The following GRIP1 variants were observed in gnomAD, a reference collection of about 807,000 sequenced individuals.
GRIP1 encodes the protein glutamate receptor interacting protein 1, also known as glutamate receptor-interacting protein 1.
GRIP1 carries 45 observed loss-of-function variants against 129.9 expected under a neutral mutation model. The observed-to-expected ratio is 0.35, with a 90% CI of 0.27 to 0.44. The LOEUF (loss-of-function observed/expected upper bound fraction) is 0.44. Among genes scored for constraint, GRIP1 ranks in the 20% least tolerant of loss-of-function variants. The pLI is 1.00. For missense variants in GRIP1, 1,196 were observed against 1,396.8 expected (o/e 0.86, Z 2.29); for synonymous variants, 530 against 520.8 (o/e 1.02, Z -0.24).
chr12:66,875,105 A>G (rs2040361359), intron 1 of GRIP1, among the ~76,000 whole-genome samples: 1 of 152,094 alleles, frequency 6.6e-6, no homozygotes, highest in African/African-American at 2.4e-5. Flanking sequence ...CATTTGTAAA[A>G]TGACACAATT....
intron 1 of GRIP1, among the ~76,000 whole-genome samples, chr12:66,715,511 A>G (rs2035860870): frequency 6.6e-6 from 1 of 150,616 alleles, no homozygotes; most frequent in South Asian, 2.1e-4. Flanking sequence ...AGAGAGAGAG[A>G]GAGAGAACTG....
intron 7 of GRIP1, among the ~76,000 whole-genome samples, chr12:66,499,785 C>T (rs942241413): frequency 6.6e-6 from 1 of 152,192 alleles, no homozygotes; most frequent in Non-Finnish European, 1.5e-5. Flanking sequence ...GAGAAGATCA[C>T]TTGAGCCCAG....
intron 1 of GRIP1, among the ~76,000 whole-genome samples, chr12:66,831,965 A>G (rs957960881): frequency 1.3e-5 from 2 of 152,188 alleles, no homozygotes; most frequent in African/African-American, 2.4e-5. Flanking sequence ...GATTTGACTT[A>G]TAAGTTAGAC....
At chr12:66,548,692 C>T (rs1216453589) in intron 2 of GRIP1, among the ~76,000 whole-genome samples, 4 of 152,088 alleles carry the variant, frequency 2.6e-5, no homozygotes, top group African/African-American at 9.7e-5. Context: ...GAGTGAGGAT[C>T]AAAAAGGCCC....
chr12:67,051,352 G>A (rs746326132), intron 1 of GRIP1, among the ~76,000 whole-genome samples: 11 of 149,076 alleles, frequency 7.4e-5, no homozygotes, highest in Non-Finnish European at 1.5e-4. Context: ...TTTTTTTAAT[G>A]TCCACTATGA....
rs1027114562 is a variant in GRIP1, at chr12:66,839,673, A to G, written c.58+229377T>C. ...AGGCCAAAAAAGAAAATAGGAATTG[A>G]TAGCACAGTGGATTCCAGAAAAGCA... On this transcript the variant is annotated intron_variant, in intron 1 of 1. Transcript: ENST00000643019. 6.6e-5 allele frequency among the ~76,000 whole-genome samples: 10 copies of G among 152,226 alleles called. No homozygotes were observed. In the East Asian group the frequency reaches 1.9e-3, roughly 29 times the overall value.
intron 4 of GRIP1, among the ~76,000 whole-genome samples, chr12:66,531,795 AT>A (rs971384709): frequency 1.7e-4 from 25 of 150,190 alleles, no homozygotes; most frequent in South Asian, 1.1e-3. Flanking sequence ...TAAGAAAATG[AT>A]TTTTTTTTTG....
intron 5 of GRIP1, among the ~76,000 whole-genome samples, chr12:66,525,371 T>C (rs2061190419): frequency 6.6e-6 from 1 of 151,632 alleles, no homozygotes; most frequent in Non-Finnish European, 1.5e-5. Flanking sequence ...CAAGGCTGGT[T>C]GAATCTACAC....
chr12:67,041,929 G>A (rs1161377839), intron 1 of GRIP1, among the ~76,000 whole-genome samples: 1 of 152,136 alleles, frequency 6.6e-6, no homozygotes, highest in Non-Finnish European at 1.5e-5. Flanking sequence ...TTGGGAATGT[G>A]TCTCCCAAAT....
At chr12:67,060,862 AGCT>A (rs2043522113) in intron 1 of GRIP1, among the ~76,000 whole-genome samples, 1 of 146,760 alleles carries the variant, frequency 6.8e-6, no homozygotes, top group Non-Finnish European at 1.5e-5. Context: ...GGCAGTGGAG[AGCT>A]GCAAGAATTT....
Position 66,501,135 on chromosome 12 carries a change from T to C in GRIP1, c.724+14484A>G, listed in dbSNP as rs181569464. Among the ~76,000 whole-genome samples the C allele has an allele frequency of 8.5e-4, 129 of 152,324 alleles. No homozygotes were observed. In the Middle Eastern group the frequency reaches 0.01, roughly 12 times the overall value. ...CCTCCTGGGTGATCTCACAGGTGTA[T>C]CTAGGAGTCATTTTCAGTGTCAAAG... is the stretch of plus-strand genomic sequence containing the variant. On this transcript the variant is annotated intron_variant, in intron 7 of 24. Transcript: ENST00000359742.
At chr12:66,524,384 C>T (rs927536553) in intron 5 of GRIP1, among the ~76,000 whole-genome samples, 33 of 152,200 alleles carry the variant, frequency 2.2e-4, no homozygotes, top group Non-Finnish European at 3.7e-4. Flanking sequence ...TCACTCAAAA[C>T]CACTCAACTA....
At chr12:66,550,456 G>T (rs998934203) in intron 2 of GRIP1, among the ~76,000 whole-genome samples, 1 of 152,176 alleles carries the variant, frequency 6.6e-6, no homozygotes, top group Non-Finnish European at 1.5e-5. Context: ...TAAGACAAAA[G>T]AATTAACAGT....
intron 1 of GRIP1, among the ~76,000 whole-genome samples, chr12:66,756,506 T>C (rs550412947): frequency 1.3e-5 from 2 of 152,334 alleles, no homozygotes; most frequent in African/African-American, 4.8e-5. Context: ...GTCTAAAACT[T>C]GTATCATGTA....
intron 16 of GRIP1, among the ~76,000 whole-genome samples, chr12:66,397,224 T>C (rs1165833153): frequency 1.4e-5 from 2 of 147,940 alleles, no homozygotes; most frequent in African/African-American, 5.0e-5. Context: ...TAAAAAGGTA[T>C]CTATTGGCCA....
rs922944713 is a variant in GRIP1 at position 66,773,304 on chromosome 12, A to C, written c.-420+30749T>G. Among the ~76,000 whole-genome samples, 4 of 152,340 alleles carry C rather than the reference A, an allele frequency of 2.6e-5. No homozygotes were observed. In the South Asian group the frequency reaches 8.3e-4, roughly 32 times the overall value. The stretch of plus-strand genomic sequence containing the variant: ...AGTGCTGTAATAAACATACCTGTGC[A>C]TGTGTCTTTATAGTAGAATGATTTA... On this transcript the variant is annotated intron_variant, in intron 1 of 4. Transcript: ENST00000538373.
chr12:66,985,893 G>C (rs1056791627), intron 1 of GRIP1, among the ~76,000 whole-genome samples: 1 of 152,172 alleles, frequency 6.6e-6, no homozygotes, highest in East Asian at 1.9e-4. Context: ...GGCAGTAACA[G>C]TTATTGATTT....
intron 2 of GRIP1, among the ~76,000 whole-genome samples, chr12:66,582,024 G>A (rs1388620339): frequency 2.6e-5 from 4 of 152,140 alleles, no homozygotes; most frequent in African/African-American, 7.2e-5. Flanking sequence ...CTGGCAAACT[G>A]AATCCAGCAG....
At chr12:67,058,924 T>C (rs1334489143) in intron 1 of GRIP1, among the ~76,000 whole-genome samples, 1 of 152,188 alleles carries the variant, frequency 6.6e-6, no homozygotes, top group Non-Finnish European at 1.5e-5. Context: ...AAAAATCAGA[T>C]GTAAGTGTCT....
Sources: gnomAD v4.1 joint callset for allele counts (sites outside exome capture counted in the v4.1 genomes callset) on GRCh38, gnomAD v4.1.1 for gene constraint, MANE v1.5 for transcripts, NCBI Gene and HGNC (gene_info 2026-07-23, HGNC 2026-07-21) for gene names.